The following LRRC37A2 variants were observed in gnomAD, a reference collection of about 807,000 sequenced individuals.
LRRC37A2 encodes the protein leucine rich repeat containing 37 member A2.
LRRC37A2 carries 9 observed loss-of-function variants against 68.8 expected under a neutral mutation model. The observed-to-expected ratio is 0.13, with a 90% CI of 0.08 to 0.23. The LOEUF (loss-of-function observed/expected upper bound fraction) is 0.23. LRRC37A2 is among the 10% of genes least tolerant of loss of function. The probability of loss-of-function intolerance (pLI) is 1.00; values close to 1 mark genes in which losing one functional copy is unlikely to be tolerated. For synonymous variants in LRRC37A2, 63 were observed against 367.6 expected, an observed-to-expected ratio of 0.17 and a Z score of 9.48; for missense variants, 168 against 950.4, an observed-to-expected ratio of 0.18 and a Z score of 10.82.
At chr17:46,621,360 C>T in the LRRC37A2 span, among the ~76,000 whole-genome samples, 72 of 136,764 alleles carry the variant, frequency 5.3e-4, 3 homozygotes, top group African/African-American at 2.0e-3. Flanking sequence ...GATCTCAGCT[C>T]ACTGCAAGCT....
chr17:46,783,298 G>A, the LRRC37A2 span, among the ~76,000 whole-genome samples: 1 of 152,214 alleles, frequency 6.6e-6, no homozygotes, highest in Non-Finnish European at 1.5e-5. Context: ...TCAAGACTGG[G>A]GCCTGGTGAT....
At chr17:46,940,654 C>T in the LRRC37A2 span, 6 of 1,612,768 alleles carry the variant, frequency 3.7e-6, no homozygotes, top group Non-Finnish European at 4.2e-6. Context: ...AGTCCCCGCA[C>T]CCATCATGCG....
chr17:46,990,443 G>A, the LRRC37A2 span, among the ~76,000 whole-genome samples: 1 of 152,164 alleles, frequency 6.6e-6, no homozygotes, highest in Non-Finnish European at 1.5e-5. Flanking sequence ...TGATGTTGTT[G>A]AAAGCTTTGT....
At chr17:46,883,859 CA>C in the LRRC37A2 span, among the ~76,000 whole-genome samples, 1 of 152,226 alleles carries the variant, frequency 6.6e-6, no homozygotes, top group African/African-American at 2.4e-5. Flanking sequence ...TAATGCCTCT[CA>C]CGCGTCTTAT....
chr17:46,887,652 C>T, the LRRC37A2 span, among the ~76,000 whole-genome samples: 1 of 151,800 alleles, frequency 6.6e-6, no homozygotes, highest in Non-Finnish European at 1.5e-5. Flanking sequence ...TAACACCAGA[C>T]ACTTGGGAGG....
chr17:46,931,143 C>A, the LRRC37A2 span: 11 of 1,611,000 alleles, frequency 6.8e-6, no homozygotes, highest in Non-Finnish European at 9.3e-6. Flanking sequence ...GATATTCAGC[C>A]GTCTAGAACG....
At chr17:46,959,815 G>A in the LRRC37A2 span, among the ~76,000 whole-genome samples, 1 of 152,270 alleles carries the variant, frequency 6.6e-6, no homozygotes, top group East Asian at 1.9e-4. Context: ...AATCCTTGGA[G>A]GTCCTCAGAA....
chr17:47,030,062 CAAA>C, the LRRC37A2 span, among the ~76,000 whole-genome samples: 1 of 69,880 alleles, frequency 1.4e-5, no homozygotes, highest in African/African-American at 4.9e-5. Context: ...GACTCTGTCT[CAAA>C]TAATAATAAT....
the LRRC37A2 span, chr17:46,769,935 T>C: frequency 1.2e-5 from 20 of 1,613,228 alleles, no homozygotes; most frequent in Non-Finnish European, 1.7e-5. Flanking sequence ...GGCGGCCCCT[T>C]ATGATGCGAG....
At chr17:46,778,832 A>G in the LRRC37A2 span, among the ~76,000 whole-genome samples, 1 of 152,052 alleles carries the variant, frequency 6.6e-6, no homozygotes, top group Non-Finnish European at 1.5e-5. Context: ...CCATCCTTTG[A>G]AACCTGATTC....
At chr17:46,818,458 C>A in the LRRC37A2 span, 1 of 1,543,568 alleles carries the variant, frequency 6.5e-7, no homozygotes, top group Non-Finnish European at 8.8e-7. Context: ...GCCGGCGCCC[C>A]CACCTTCCCC....
At chr17:46,942,905 G>A in the LRRC37A2 span, among the ~76,000 whole-genome samples, 1 of 152,182 alleles carries the variant, frequency 6.6e-6, no homozygotes, top group Non-Finnish European at 1.5e-5. Flanking sequence ...CCCCACCATG[G>A]AGCCTCTGTG....
At chr17:46,851,978 G>A in the LRRC37A2 span, among the ~76,000 whole-genome samples, 1 of 152,076 alleles carries the variant, frequency 6.6e-6, no homozygotes, top group Non-Finnish European at 1.5e-5. This position sits in a 1 kb window ranked among gnomAD's most constrained non-coding sequence, Gnocchi z 4.3. Context: ...TCCTCATCCC[G>A]CCGGGTCTCG....
the LRRC37A2 span, among the ~76,000 whole-genome samples, chr17:46,745,236 T>C: frequency 6.6e-6 from 1 of 152,196 alleles, no homozygotes; most frequent in Non-Finnish European, 1.5e-5. Context: ...TTTAATATAT[T>C]CGGAGCTGTT....
At chr17:46,809,636 C>T in the LRRC37A2 span, among the ~76,000 whole-genome samples, 2 of 152,198 alleles carry the variant, frequency 1.3e-5, no homozygotes, top group African/African-American at 2.4e-5. Flanking sequence ...CCTTTGCCCT[C>T]GCCCCCCTCA....
chr17:46,492,697 T>G, the LRRC37A2 span, among the ~76,000 whole-genome samples: 24 of 107,184 alleles, frequency 2.2e-4, 1 homozygote, highest in African/African-American at 6.6e-4. Flanking sequence ...TTGTTTTTTT[T>G]TTTTTTTTTT....
the LRRC37A2 span, among the ~76,000 whole-genome samples, chr17:46,973,695 T>C: frequency 6.6e-6 from 1 of 152,204 alleles, no homozygotes; most frequent in Admixed American, 6.5e-5. Context: ...ACACCCCGTG[T>C]ATCTGCTGTG....
the LRRC37A2 span, among the ~76,000 whole-genome samples, chr17:46,709,340 TAA>T: frequency 6.8e-6 from 1 of 148,140 alleles, no homozygotes; most frequent in South Asian, 2.1e-4. Flanking sequence ...GTCTGGAGGA[TAA>T]AAAAAAAATG....
chr17:46,780,770 C>T, the LRRC37A2 span, among the ~76,000 whole-genome samples: 1 of 151,552 alleles, frequency 6.6e-6, no homozygotes, highest in Non-Finnish European at 1.5e-5. Flanking sequence ...GAGCAAGACT[C>T]TGTTTCAAAA....
Sources: gnomAD v4.1 joint callset for allele counts (sites outside exome capture counted in the v4.1 genomes callset) on GRCh38, gnomAD v4.1.1 for gene constraint, Gnocchi (gnomAD v3.1) non-coding constraint, MANE v1.5 for transcripts, NCBI Gene and HGNC (gene_info 2026-07-23, HGNC 2026-07-21) for gene names.